The following CNBD1 variants were observed in gnomAD, a reference collection of about 807,000 sequenced individuals.
CNBD1 encodes the protein cyclic nucleotide-binding domain-containing protein 1.
Under a neutral mutation model 54.4 loss-of-function variants are expected in CNBD1, and 71 were observed. The observed-to-expected ratio is 1.30, with a 90% confidence interval of 1.08 to 1.59. The LOEUF (loss-of-function observed/expected upper bound fraction) is 1.59. CNBD1 is among the 40% of genes most tolerant of loss of function. The probability of loss-of-function intolerance (pLI) is 0.00; values close to 1 mark genes in which losing one functional copy is unlikely to be tolerated. For synonymous variants in CNBD1, 182 were observed against 170.7 expected (o/e 1.07, Z -0.51); for missense variants, 659 against 518.0 (o/e 1.27, Z -2.64).
chr8:87,378,246 G>A (rs1466892234), intron 10 of CNBD1, among the ~76,000 whole-genome samples: 1 of 142,776 alleles, frequency 7.0e-6, no homozygotes, highest in Non-Finnish European at 1.5e-5. Flanking sequence ...TGTCCTGAAT[G>A]GTAATGCCTA....
chr8:87,415,909 A>G (rs1168897497), intron 2 of CNBD1, among the ~76,000 whole-genome samples: 1 of 152,008 alleles, frequency 6.6e-6, no homozygotes, highest in Non-Finnish European at 1.5e-5. Context: ...TTTCAACTAT[A>G]TACTGCTTAT....
intron 4 of CNBD1, among the ~76,000 whole-genome samples, chr8:87,046,982 G>T (rs1019830261): frequency 6.6e-6 from 1 of 152,184 alleles, no homozygotes. Context: ...GAGGAGTTAC[G>T]CAGGGGCTGC....
chr8:87,216,857 T>C (rs1013813954), intron 5 of CNBD1, among the ~76,000 whole-genome samples: 1 of 152,180 alleles, frequency 6.6e-6, no homozygotes, highest in Non-Finnish European at 1.5e-5. Flanking sequence ...GAATAATATG[T>C]GGCATTAATT....
chr8:87,392,383 A>G (rs1811325816), intron 2 of CNBD1, among the ~76,000 whole-genome samples: 1 of 152,046 alleles, frequency 6.6e-6, no homozygotes, highest in African/African-American at 2.4e-5. Context: ...ATTATTCATA[A>G]TAGCCAAAAA....
Position 87,039,303 on chromosome 8 carries a change from T to C in CNBD1, c.431+99549T>C, listed in dbSNP as rs543453244. 8.5e-5 allele frequency among the ~76,000 whole-genome samples: 13 copies of C among 152,332 alleles called. No individual in the cohort carries two copies. In the South Asian group the frequency reaches 2.5e-3, roughly 29 times the overall value. ...ACATTTTAGAATTTATAAGTATATT[T>C]TCTACCCTTTCCTATATTTGCCTTC... On this transcript the variant is annotated intron_variant, in intron 4 of 10. Coordinates refer to ENST00000518476, the MANE Select transcript of CNBD1 (RefSeq NM_173538.3).
chr8:86,990,407 T>A (rs1356913443), intron 4 of CNBD1, among the ~76,000 whole-genome samples: 1 of 152,234 alleles, frequency 6.6e-6, no homozygotes, highest in East Asian at 1.9e-4. Flanking sequence ...TTTTTCTGCA[T>A]ATGGACATAC....
intron 4 of CNBD1, among the ~76,000 whole-genome samples, chr8:87,110,195 T>G (rs559392769): frequency 5.3e-5 from 8 of 152,138 alleles, no homozygotes; most frequent in Non-Finnish European, 7.4e-5. Context: ...TTTCAAAAGG[T>G]GTATCATTTC....
At chr8:87,223,650 A>G (rs914930570) in intron 5 of CNBD1, among the ~76,000 whole-genome samples, 16 of 152,096 alleles carry the variant, frequency 1.1e-4, no homozygotes, top group African/African-American at 3.9e-4. Flanking sequence ...ATTGTTGGAC[A>G]TTTGGGTTGG....
chr8:86,999,114 C>T (rs1016395176), intron 4 of CNBD1, among the ~76,000 whole-genome samples: 5 of 152,188 alleles, frequency 3.3e-5, no homozygotes, highest in African/African-American at 7.2e-5. Context: ...TGTCAGCTTT[C>T]GGAAGAGTGA....
At chr8:87,041,262 G>A (rs1011251267) in intron 4 of CNBD1, among the ~76,000 whole-genome samples, 1 of 152,094 alleles carries the variant, frequency 6.6e-6, no homozygotes, top group African/African-American at 2.4e-5. Context: ...GTTCAGAAAA[G>A]GCCTAGGAAT....
intron 4 of CNBD1, among the ~76,000 whole-genome samples, chr8:87,018,152 A>C (rs2130571839): frequency 6.6e-6 from 1 of 152,354 alleles, no homozygotes; most frequent in East Asian, 1.9e-4. Flanking sequence ...CTGAGGCAGA[A>C]GAATCGCTTG....
chr8:87,074,426 T>C (rs538157737), intron 4 of CNBD1, among the ~76,000 whole-genome samples: 1 of 152,244 alleles, frequency 6.6e-6, no homozygotes, highest in South Asian at 2.1e-4. Flanking sequence ...TTCCTAGGGA[T>C]ATGTACAGAC....
chr8:87,370,637 A>C (rs1340050309), intron 10 of CNBD1, among the ~76,000 whole-genome samples: 5 of 151,850 alleles, frequency 3.3e-5, no homozygotes, highest in African/African-American at 1.2e-4. Context: ...GCCCTTTGTC[A>C]GATGAGTAGG....
chr8:87,362,486 G>A (rs62526812), intron 10 of CNBD1, among the ~76,000 whole-genome samples: 22,430 of 152,040 alleles, frequency 0.15, 2,020 homozygotes, highest in Admixed American at 0.25. Context: ...AGTTTGTTGG[G>A]CACCTATAGC....
chr8:87,303,873 G>A (rs201919544), intron 8 of CNBD1, among the ~76,000 whole-genome samples: 8 of 152,044 alleles, frequency 5.3e-5, no homozygotes, highest in Non-Finnish European at 1.2e-4. Flanking sequence ...ACAGCCAAAA[G>A]ACACATGAAA....
At chr8:87,197,547 A>T (rs1296084602) in intron 4 of CNBD1, among the ~76,000 whole-genome samples, 1 of 152,118 alleles carries the variant, frequency 6.6e-6, no homozygotes, top group Non-Finnish European at 1.5e-5. Flanking sequence ...AGGAGGTGAA[A>T]TGGGTGTTTC....
At chr8:87,237,709 C>T (rs746895906) in intron 6 of CNBD1, among the ~76,000 whole-genome samples, 2 of 151,984 alleles carry the variant, frequency 1.3e-5, no homozygotes, top group Non-Finnish European at 2.9e-5. Context: ...AGTCAGTTCT[C>T]AATTTAGGGT....
intron 3 of CNBD1, among the ~76,000 whole-genome samples, chr8:86,919,781 C>T (rs1393532140): frequency 1.3e-5 from 2 of 152,118 alleles, no homozygotes; most frequent in Non-Finnish European, 2.9e-5. Flanking sequence ...ACTTTGCTGT[C>T]AAAGTGACTT....
chr8:87,190,893 C>A (rs989055161), intron 4 of CNBD1, among the ~76,000 whole-genome samples: 2 of 135,506 alleles, frequency 1.5e-5, no homozygotes, highest in Admixed American at 7.4e-5. Context: ...GTACGTATAT[C>A]TATTTAGATA....
Sources: gnomAD v4.1 joint callset for allele counts (sites outside exome capture counted in the v4.1 genomes callset) on GRCh38, gnomAD v4.1.1 for gene constraint, MANE v1.5 for transcripts, NCBI Gene and HGNC (gene_info 2026-07-23, HGNC 2026-07-21) for gene names.